The following FRMD4A variants were observed in gnomAD, a reference collection of about 807,000 sequenced individuals.
FRMD4A encodes FERM domain containing 4A, also known as FERM domain-containing protein 4A.
In FRMD4A, 29 loss-of-function variants were observed where a neutral mutation model predicts 129.1. The observed-to-expected ratio is 0.22, with a 90% CI of 0.17 to 0.31. FRMD4A has a LOEUF of 0.31. Among genes scored for constraint, FRMD4A ranks in the 10% least tolerant of loss-of-function variants. The pLI is 1.00. For missense variants in FRMD4A, 1,272 were observed against 1,375.8 expected, an observed-to-expected ratio of 0.92 and a Z score of 1.19; for synonymous variants, 634 against 571.6, an observed-to-expected ratio of 1.11 and a Z score of -1.56.
At chr10:14,097,516 C>A (rs1383412771) in intron 2 of FRMD4A, among the ~76,000 whole-genome samples, 1 of 151,904 alleles carries the variant, frequency 6.6e-6, no homozygotes, top group East Asian at 1.9e-4. Context: ...TCTGCCTTAC[C>A]GAGGAGGAAA....
intron 2 of FRMD4A, among the ~76,000 whole-genome samples, chr10:14,266,521 G>A (rs992987320): frequency 6.7e-6 from 1 of 148,300 alleles, no homozygotes; most frequent in African/African-American, 2.5e-5. Context: ...GTGTGTGTGT[G>A]TGTATGTGTG....
At chr10:14,287,815 T>C (rs1845729168) in intron 2 of FRMD4A, among the ~76,000 whole-genome samples, 1 of 152,212 alleles carries the variant, frequency 6.6e-6, no homozygotes, top group African/African-American at 2.4e-5. Context: ...AGGCCTTTTT[T>C]GCAAAGACCT....
intron 2 of FRMD4A, among the ~76,000 whole-genome samples, chr10:14,164,813 T>C (rs1050014126): frequency 1.3e-5 from 2 of 152,232 alleles, no homozygotes; most frequent in Non-Finnish European, 2.9e-5. Context: ...CAACCCACGA[T>C]GGCTTTGAAT....
At position 13,824,810 on chromosome 10, in the gene FRMD4A, G is replaced by A. The variant is rs549407292; in HGVS notation, c.112-13902C>T. Among the ~76,000 whole-genome samples the A allele has an allele frequency of 7.3e-5, 11 of 149,710 alleles. No individual in the cohort carries two copies. The East Asian group carries it at 1.2e-3, about 16-fold the overall frequency. On this transcript the variant is annotated intron_variant, in intron 3 of 24. Transcript: ENST00000357447. ...CTCAGGAGGCTGAGGCAGGAGAATC[G>A]CTTGAACCCGGGAGGCAGAGGTTGT...
At chr10:14,053,755 A>C (rs1834372187) in intron 2 of FRMD4A, among the ~76,000 whole-genome samples, 1 of 152,130 alleles carries the variant, frequency 6.6e-6, no homozygotes, top group African/African-American at 2.4e-5. Context: ...ATGGTGGCTC[A>C]TGCCTATAAT....
chr10:13,884,780 C>A (rs1189087733), intron 2 of FRMD4A, among the ~76,000 whole-genome samples: 1 of 152,180 alleles, frequency 6.6e-6, no homozygotes, highest in South Asian at 2.1e-4. Flanking sequence ...CTTCCCTGTT[C>A]CCAACAAGGT....
chr10:14,055,205 T>C (rs1440376504), intron 2 of FRMD4A, among the ~76,000 whole-genome samples: 2 of 151,994 alleles, frequency 1.3e-5, no homozygotes, highest in Non-Finnish European at 2.9e-5. Flanking sequence ...GTTAATAAAA[T>C]TAATGAATAG....
At position 13,865,408 on chromosome 10, in the gene FRMD4A, G is replaced by GTTTTGTTTTATTTTA. The variant is rs1554946457; in HGVS notation, c.46-6497_46-6496insTAAAATAAAACAAAA. 3.9e-5 allele frequency among the ~76,000 whole-genome samples: 5 copies of GTTTTGTTTTATTTTA among 127,146 alleles called. No individual in the cohort carries two copies. In the South Asian group the frequency reaches 8.3e-4, roughly 21 times the overall value. The allele number at this position is 127,146 out of a possible 152,430, so 83.4% of individuals were successfully genotyped here. On this transcript the variant is annotated intron_variant, in intron 2 of 24. Transcript: ENST00000357447. ...TTACTTTATTTTATTTATTTTATTT[G>GTTTTGTTTTATTTTA]TTTTATTTTATTTTATTTTATTTTA...
chr10:13,652,051 A>G, intron 23 of FRMD4A, 77 bp from the exon 24 acceptor site: 2 of 816,874 alleles, frequency 2.4e-6, no homozygotes, highest in South Asian at 2.7e-5. Flanking sequence ...CACAGACACG[A>G]TTAGTAGCTT....
chr10:14,229,087 G>GTT (rs557316285), intron 2 of FRMD4A, among the ~76,000 whole-genome samples: 4 of 146,284 alleles, frequency 2.7e-5, no homozygotes, highest in Non-Finnish European at 4.5e-5. Flanking sequence ...GTTTTTTCTT[G>GTT]TTTTTTTTTT....
chr10:13,696,249 C>A (rs147652957), intron 14 of FRMD4A, among the ~76,000 whole-genome samples: 3 of 152,192 alleles, frequency 2.0e-5, no homozygotes, highest in African/African-American at 7.2e-5. Context: ...CTATCATTTG[C>A]GCCCATCTGG....
intron 2 of FRMD4A, among the ~76,000 whole-genome samples, chr10:14,094,089 C>A (rs1836808306): frequency 6.6e-6 from 1 of 152,184 alleles, no homozygotes; most frequent in African/African-American, 2.4e-5. Flanking sequence ...TTAACAAAGC[C>A]CCTGCCCGGG....
chr10:14,126,331 C>T (rs1164645135), intron 2 of FRMD4A, among the ~76,000 whole-genome samples: 1 of 152,090 alleles, frequency 6.6e-6, no homozygotes, highest in Non-Finnish European at 1.5e-5. Flanking sequence ...CCATGACACC[C>T]AGCTAATTTT....
chr10:14,148,828 A>G (rs1208143288), intron 2 of FRMD4A, among the ~76,000 whole-genome samples: 2 of 152,080 alleles, frequency 1.3e-5, no homozygotes, highest in Admixed American at 6.5e-5. Context: ...GAGGACTTAC[A>G]CACCTAGAAA....
chr10:14,039,423 T>G (rs1402525023), intron 2 of FRMD4A, among the ~76,000 whole-genome samples: 1 of 151,820 alleles, frequency 6.6e-6, no homozygotes, highest in Admixed American at 6.6e-5. Flanking sequence ...TCTATCTATC[T>G]ATCTATCTAT....
chr10:13,652,570 C>G (rs1311096610), intron 23 of FRMD4A: 1 of 153,980 alleles, frequency 6.5e-6, no homozygotes, highest in Non-Finnish European at 1.4e-5. Context: ...GCTGCCTGGC[C>G]AAACAGGTGA....
intron 2 of FRMD4A, among the ~76,000 whole-genome samples, chr10:14,273,199 G>C (rs1382250529): frequency 6.6e-6 from 1 of 152,102 alleles, no homozygotes; most frequent in Non-Finnish European, 1.5e-5. Flanking sequence ...GGAGGTTGCA[G>C]TGAGCCAAGA....
intron 2 of FRMD4A, among the ~76,000 whole-genome samples, chr10:14,027,034 T>C (rs1424073507): frequency 2.6e-5 from 4 of 152,380 alleles, no homozygotes; most frequent in South Asian, 2.1e-4. Context: ...AGGCATGCAA[T>C]GCATCATAAT....
intron 8 of FRMD4A, among the ~76,000 whole-genome samples, chr10:13,751,521 C>T (rs923850544): frequency 6.6e-6 from 1 of 152,186 alleles, no homozygotes; most frequent in Non-Finnish European, 1.5e-5. Flanking sequence ...TCAGAAAGCT[C>T]CCCTAATGGG....
Sources: gnomAD v4.1 joint callset for allele counts (sites outside exome capture counted in the v4.1 genomes callset) on GRCh38, gnomAD v4.1.1 for gene constraint, MANE v1.5 for transcripts, NCBI Gene and HGNC (gene_info 2026-07-23, HGNC 2026-07-21) for gene names.